The following ARHGAP5 variants were observed in gnomAD, a reference collection of about 807,000 sequenced individuals.
ARHGAP5 encodes the protein rho GTPase-activating protein 5.
ARHGAP5 carries 23 observed loss-of-function variants against 116.6 expected under a neutral mutation model. The ratio of observed to expected loss-of-function variants is 0.20; its 90% confidence interval spans 0.14 to 0.28. ARHGAP5 has a LOEUF of 0.28. ARHGAP5 is among the 10% of genes least tolerant of loss of function. The probability of loss-of-function intolerance (pLI) is 1.00; values close to 1 mark genes in which losing one functional copy is unlikely to be tolerated. For synonymous variants in ARHGAP5, 574 were observed against 602.0 expected (o/e 0.95, Z 0.68); for missense variants, 1,405 against 1,774.8 (o/e 0.79, Z 3.74).
At chr14:32,130,144 T>C (rs1276793558) in intron 3 of ARHGAP5, among the ~76,000 whole-genome samples, 1 of 151,360 alleles carries the variant, frequency 6.6e-6, no homozygotes, top group Non-Finnish European at 1.5e-5. Context: ...GCAGCTTAAG[T>C]GATCATCTTA....
Position 32,094,220 on chromosome 14 carries a change from C to T in ARHGAP5, c.3551C>T (p.Ser1184Phe). Reference sequence around the variant, plus strand: ...AGTGATGATGAGGCTTTCACCACTTCTAAAACAAAAAGAAAAGGAAGACAT... The same window carrying T: ...AGTGATGATGAGGCTTTCACCACTTTTAAAACAAAAAGAAAAGGAAGACAT... ...DASDDEAFTT[S>F]KTKRKGRHRG... is the part of the protein sequence containing the mutation. The change falls in exon 2 of 7, where the codon TCT becomes TTT. Residue 1184 changes from serine to phenylalanine, a missense_variant. Transcript: ENST00000345122. 6.2e-7 allele frequency: 1 copy of T among 1,612,916 alleles called. No individual in the cohort carries two copies. The highest frequency in any genetic ancestry group is 1.1e-5 in the South Asian group (1 of 90,794).
intron 1 of ARHGAP5, among the ~76,000 whole-genome samples, chr14:32,085,749 C>G (rs2041822739): frequency 2.0e-5 from 3 of 152,004 alleles, no homozygotes; most frequent in Admixed American, 2.0e-4. Context: ...AATATAATTT[C>G]TTATCATAAA....
chr14:32,139,520 A>T (rs917844986), intron 3 of ARHGAP5, among the ~76,000 whole-genome samples: 4 of 151,708 alleles, frequency 2.6e-5, no homozygotes, highest in Admixed American at 1.3e-4. Flanking sequence ...TTCTCTTGTA[A>T]CCCTTTTTAT....
chr14:32,084,431 C>T (rs1383955010), intron 1 of ARHGAP5, among the ~76,000 whole-genome samples: 1 of 152,058 alleles, frequency 6.6e-6, no homozygotes, highest in Non-Finnish European at 1.5e-5. Context: ...ATGTAATGGG[C>T]CCAAAGCAGT....
chr14:32,114,222 C>T (rs1375224760), intron 2 of ARHGAP5, among the ~76,000 whole-genome samples: 1 of 147,702 alleles, frequency 6.8e-6, no homozygotes, highest in Non-Finnish European at 1.5e-5. Flanking sequence ...AGCTAGACTC[C>T]GTCTCAAAAA....
chr14:32,085,736 G>C (rs1452763793), intron 1 of ARHGAP5, among the ~76,000 whole-genome samples: 1 of 151,942 alleles, frequency 6.6e-6, no homozygotes, highest in African/African-American at 2.4e-5. Flanking sequence ...ATTAGGTCTT[G>C]GAAATATAAT....
At chr14:32,100,373 G>A (rs529072734) in intron 2 of ARHGAP5, among the ~76,000 whole-genome samples, 1 of 151,862 alleles carries the variant, frequency 6.6e-6, no homozygotes, top group Non-Finnish European at 1.5e-5. Flanking sequence ...CTAATTTTTT[G>A]TTGTCATAGA....
At chr14:32,102,999 T>A (rs1026204718) in intron 2 of ARHGAP5, among the ~76,000 whole-genome samples, 1 of 152,226 alleles carries the variant, frequency 6.6e-6, no homozygotes, top group Non-Finnish European at 1.5e-5. Context: ...TTAGCCAGAC[T>A]TCTGGTTCTT....
chr14:32,140,087 G>GGT (rs1881028256), intron 3 of ARHGAP5, among the ~76,000 whole-genome samples: 1 of 29,854 alleles, frequency 3.3e-5, no homozygotes, highest in Non-Finnish European at 7.4e-5. Flanking sequence ...TTTTTTTTAG[G>GGT]TTATTTGTTC....
intron 3 of ARHGAP5, among the ~76,000 whole-genome samples, chr14:32,135,096 A>G (rs538858614): frequency 2.4e-4 from 37 of 152,202 alleles, no homozygotes; most frequent in Non-Finnish European, 3.7e-4. Context: ...AAGACTCAGT[A>G]TATAGCATTT....
Position 32,144,628 on chromosome 14 carries a change from C to T in ARHGAP5, c.3866-1635C>T, listed in dbSNP as rs548471427. ...CCTCCCAAGTAACTGAGATTACAAG[C>T]GCCCACCACCATGCCTAGCTAATAT... On this transcript the variant is annotated intron_variant, in intron 3 of 6. Transcript: ENST00000345122. Among the ~76,000 whole-genome samples the T allele has an allele frequency of 7.2e-5, 11 of 152,030 alleles. No individual in the cohort carries two copies. In the East Asian group the frequency reaches 1.6e-3, roughly 21 times the overall value.
chr14:32,150,151 A>C (rs1881577681), intron 5 of ARHGAP5, 118 bp downstream of exon 5: 2 of 797,212 alleles, frequency 2.5e-6, no homozygotes, highest in Non-Finnish European at 3.5e-6. Context: ...TAACTTAACT[A>C]GAACTCTATT....
At chr14:32,101,667 A>C (rs1230023042) in intron 2 of ARHGAP5, among the ~76,000 whole-genome samples, 1 of 151,710 alleles carries the variant, frequency 6.6e-6, no homozygotes, top group South Asian at 2.1e-4. Context: ...AAAAAAAAAA[A>C]CTGGGTGTAA....
rs375537995 is a variant in ARHGAP5, at chr14:32,154,888, A to G, written c.4449A>G (p.Pro1483=). ...CAATGGTGCCACTTCAGTTGCCGCC[A>G]CCATTGCAACCTCAGCTGATACAAC... ...VEPMVPLQLP[P]PLQPQLIQPQ... Residue 1483 remains proline, a synonymous_variant, in exon 7 of 7, where the codon CCA becomes CCG. Coordinates refer to ENST00000345122, the MANE Select transcript of ARHGAP5 (RefSeq NM_001030055.2). 6.4e-5 allele frequency: 104 copies of G among 1,613,874 alleles called. No individual in the cohort carries two copies. Among genetic ancestry groups the G allele is most frequent in the Non-Finnish European group, 8.7e-5 (103 of 1,179,926 alleles).
rs1194269639 is a variant in ARHGAP5 at position 32,156,683 on chromosome 14, T to C, written c.*1735T>C. 1.3e-5 allele frequency: 2 copies of C among 152,404 alleles called. No homozygotes were observed. Among genetic ancestry groups the C allele is most frequent in the African/African-American group, 2.4e-5 (1 of 41,450 alleles). The allele number at this position is 152,404 out of a possible 1,614,324, so 9.4% of individuals were successfully genotyped here. ...TTCTTAACCTGTTCTATATTACTTA[T>C]ACCTATTGTCTATATAGCTTTAATT... On this transcript the variant is annotated 3_prime_UTR_variant, in exon 7 of 7. Coordinates refer to ENST00000345122, the MANE Select transcript of ARHGAP5 (RefSeq NM_001030055.2).
intron 2 of ARHGAP5, among the ~76,000 whole-genome samples, chr14:32,109,104 T>C (rs1369528092): frequency 6.6e-6 from 1 of 152,182 alleles, no homozygotes; most frequent in Non-Finnish European, 1.5e-5. Context: ...AATACTGCTC[T>C]TTTAAAATAT....
intron 2 of ARHGAP5, among the ~76,000 whole-genome samples, chr14:32,100,012 T>A (rs1878717125): frequency 6.6e-6 from 1 of 152,216 alleles, no homozygotes; most frequent in African/African-American, 2.4e-5. Flanking sequence ...GAGAATTATT[T>A]TTTAAAATCA....
At chr14:32,121,013 CTTTTTTTTT>C in intron 3 of ARHGAP5, among the ~76,000 whole-genome samples, 1 of 104,952 alleles carries the variant, frequency 9.5e-6, no homozygotes, top group East Asian at 3.0e-4. Context: ...AGGATTATGT[CTTTTTTTTT>C]TTTTTTTTTT....
At chr14:32,130,838 A>C (rs1566677444) in intron 3 of ARHGAP5, among the ~76,000 whole-genome samples, 1 of 152,112 alleles carries the variant, frequency 6.6e-6, no homozygotes, top group South Asian at 2.1e-4. Flanking sequence ...GCCTGTTTTC[A>C]TTTTCTCACA....
Sources: gnomAD v4.1 joint callset for allele counts (sites outside exome capture counted in the v4.1 genomes callset) on GRCh38, gnomAD v4.1.1 for gene constraint, MANE v1.5 for transcripts, NCBI Gene and HGNC (gene_info 2026-07-23, HGNC 2026-07-21) for gene names.